Variants in ACTN1 observed in about 807,000 individuals in gnomAD.
ACTN1 encodes alpha-actinin-1.
Under a neutral mutation model 119.6 loss-of-function variants are expected in ACTN1, and 30 were observed. That is an observed-to-expected ratio of 0.25 (90% CI 0.19 to 0.34). The LOEUF (loss-of-function observed/expected upper bound fraction) is 0.34, where lower values mean the gene tolerates loss of function less well. Ranked by LOEUF, ACTN1 falls within the 10% of genes least tolerant of loss-of-function variation. The pLI is 1.00. For missense variants in ACTN1, 764 were observed against 1,223.4 expected, an observed-to-expected ratio of 0.62 and a Z score of 5.60; for synonymous variants, 429 against 472.6, an observed-to-expected ratio of 0.91 and a Z score of 1.20.
At chr14:68,967,175 T>A (rs1380099419) in intron 1 of ACTN1, among the ~76,000 whole-genome samples, 1 of 152,198 alleles carries the variant, frequency 6.6e-6, no homozygotes, top group East Asian at 1.9e-4. Context: ...GACACACCTC[T>A]TAGTCCTGAG....
intron 1 of ACTN1, among the ~76,000 whole-genome samples, chr14:68,939,303 C>T (rs8003257): frequency 0.062 from 9,483 of 152,140 alleles, 375 homozygotes; most frequent in South Asian, 0.15. Flanking sequence ...CACAGCCTCA[C>T]CCCTCCCAGG....
intron 3 of ACTN1, among the ~76,000 whole-genome samples, chr14:68,914,797 C>CA (rs926468846): frequency 2.6e-5 from 4 of 152,108 alleles, no homozygotes; most frequent in Admixed American, 1.3e-4. Flanking sequence ...ACAAAACAAA[C>CA]AAAAAAACCC....
intron 1 of ACTN1, among the ~76,000 whole-genome samples, chr14:68,931,900 A>G (rs1165150811): frequency 6.6e-6 from 1 of 152,092 alleles, no homozygotes; most frequent in South Asian, 2.1e-4. Context: ...GCACTGGGGA[A>G]GGGATTCAAG....
chr14:68,944,936 G>A (rs1362102740), intron 1 of ACTN1, among the ~76,000 whole-genome samples: 2 of 148,828 alleles, frequency 1.3e-5, no homozygotes, highest in South Asian at 4.5e-4. Flanking sequence ...TGCGTGTGTG[G>A]AGCAGGTAGC....
chr14:68,887,645 T>C, intron 11 of ACTN1: 2 of 1,275,180 alleles, frequency 1.6e-6, no homozygotes, highest in Non-Finnish European at 2.2e-6. Flanking sequence ...AAAAATGGGA[T>C]GAGGTGGGAT....
intron 2 of ACTN1, among the ~76,000 whole-genome samples, chr14:68,924,172 A>G (rs931662883): frequency 2.0e-5 from 3 of 152,210 alleles, no homozygotes; most frequent in African/African-American, 7.2e-5. Context: ...GACGATGAAG[A>G]GCCCTGAAGG....
chr14:68,938,632 T>G (rs1366420938), intron 1 of ACTN1, among the ~76,000 whole-genome samples: 1 of 152,108 alleles, frequency 6.6e-6, no homozygotes, highest in East Asian at 1.9e-4. Context: ...TGGCTTTAGT[T>G]AAACTGTCTA....
chr14:68,921,016 G>A lies in ACTN1; in HGVS notation c.330C>T (p.Ile110=), dbSNP rs144795702. 2.6e-5 allele frequency: 42 copies of A among 1,614,112 alleles called. No homozygotes were observed. The African/African-American group carries it at 3.2e-4, about 12-fold the overall frequency. The change falls in exon 3 of 22, where the codon ATC becomes ATT. Residue 110 remains isoleucine (I), a synonymous_variant. Coordinates refer to ENST00000394419, the MANE Select transcript of ACTN1 (RefSeq NM_001130004.2). ...AGAGGTAGGCCTTACCTTCGGCTCC[G>A]ATGGACACCAGTTTGACGCCTTTGC... The part of the protein sequence containing the change: ...IASKGVKLVS[I]GAEEIVDGNV...
In ACTN1 at chr14:68,909,352, C is replaced by T. The variant is rs764254658; in HGVS notation, c.560G>A (p.Arg187Gln). The change falls in exon 6 of 22, where the codon CGG (arginine) becomes CAG (glutamine). Residue 187 changes from arginine (R) to glutamine (Q), a missense_variant. By Grantham distance (43) the Arg-to-Gln change is conservative. This residue lies in a region of ACTN1 where 544 missense variants were observed against 912.0 expected (regional missense o/e 0.60). Transcript: ENST00000394419. This position sits in a 1 kb window ranked among gnomAD's most constrained non-coding sequence, Gnocchi z 4.1. The part of the protein sequence containing the change: ...LGFCALIHRH[R>Q]PELIDYGKLR... ...CTTCCCGTAGTCAATCAGCTCGGGC[C>T]GGTGTCGGTGGATCAAAGCACAGAA... The T allele has an allele frequency of 4.0e-5, 64 of 1,613,934 alleles. No individual in the cohort carries two copies. Among genetic ancestry groups the T allele is most frequent in the Non-Finnish European group, 5.3e-5 (63 of 1,180,000 alleles).
At chr14:68,973,532 G>A (rs2036962538) in intron 1 of ACTN1, among the ~76,000 whole-genome samples, 1 of 152,196 alleles carries the variant, frequency 6.6e-6, no homozygotes, top group Non-Finnish European at 1.5e-5. Context: ...TGAACTGTGA[G>A]TCAATTAAAC....
chr14:68,954,482 C>T (rs138803251), intron 1 of ACTN1, among the ~76,000 whole-genome samples: 112 of 152,232 alleles, frequency 7.4e-4, no homozygotes, highest in African/African-American at 2.1e-3. Context: ...CACCCGCCAC[C>T]GAACCGAGCT....
intron 1 of ACTN1, chr14:68,977,590 A>C (rs1163425907): frequency 4.1e-6 from 1 of 246,794 alleles, no homozygotes; most frequent in African/African-American, 2.3e-5. Context: ...CTGTCTGATG[A>C]AGTGAGTAAA....
At chr14:68,920,027 A>AC (rs1270896853) in intron 3 of ACTN1, among the ~76,000 whole-genome samples, 2 of 152,092 alleles carry the variant, frequency 1.3e-5, no homozygotes, top group Admixed American at 6.5e-5. Flanking sequence ...CAGGAGCAAG[A>AC]CCCCTGCCCC....
intron 1 of ACTN1, among the ~76,000 whole-genome samples, chr14:68,943,925 G>A (rs1229477870): frequency 1.3e-5 from 2 of 152,154 alleles, no homozygotes; most frequent in Non-Finnish European, 2.9e-5. Flanking sequence ...TTCAGACTCC[G>A]TTCAGGCTGG....
At chr14:68,875,189 G>T in intron 21 of ACTN1, 172 bp from the exon 22 acceptor site, 1 of 1,476,982 alleles carries the variant, frequency 6.8e-7, no homozygotes, top group Non-Finnish European at 9.0e-7. Context: ...TGTACATACC[G>T]CATACACAAC....
At chr14:68,960,417 TAATCATG>T (rs2036492929) in intron 1 of ACTN1, among the ~76,000 whole-genome samples, 1 of 152,184 alleles carries the variant, frequency 6.6e-6, no homozygotes, top group Non-Finnish European at 1.5e-5. Context: ...TTGATTGTGG[TAATCATG>T]TCACAGTGTA....
In ACTN1 at chr14:68,882,692, TAACAG is replaced by T. The variant is rs1594755930; in HGVS notation, c.1819-105_1819-101del. 19 of 1,561,910 alleles carry T rather than the reference TAACAG, an allele frequency of 1.2e-5. No homozygotes were observed. The highest frequency in any genetic ancestry group is 4.5e-5 in the East Asian group (2 of 44,382). Reference sequence around the variant, plus strand: ...ACCCAGAAGGGGAAGGGCCGGTCAGTAACAGAACAGGAGTAAAGGTGTCAACCTGT... The same window carrying T: ...ACCCAGAAGGGGAAGGGCCGGTCAGTAACAGGAGTAAAGGTGTCAACCTGT... On this transcript the variant is annotated intron_variant, in intron 15 of 21. Transcript: ENST00000394419. The surrounding 1 kb of genome is among the most constrained non-coding windows in gnomAD (Gnocchi z 4.5).
chr14:68,884,363 C>T (rs953058212), intron 13 of ACTN1, 55 bp from the exon 14 acceptor site: 32 of 1,559,796 alleles, frequency 2.1e-5, no homozygotes, highest in Non-Finnish European at 2.7e-5. Context: ...AATCATCCCC[C>T]ACTCCTATCA....
chr14:68,920,792 G>T (rs756611958), intron 3 of ACTN1, among the ~76,000 whole-genome samples: 7 of 152,136 alleles, frequency 4.6e-5, no homozygotes, highest in Admixed American at 2.6e-4. Context: ...TGGGAACAGG[G>T]GTCTAAGTCC....
Sources: gnomAD v4.1 joint callset for allele counts (sites outside exome capture counted in the v4.1 genomes callset) on GRCh38, gnomAD v4.1.1 for gene constraint, gnomAD v4.1.1 regional missense constraint, Gnocchi (gnomAD v3.1) non-coding constraint, MANE v1.5 for transcripts, NCBI Gene and HGNC (gene_info 2026-07-23, HGNC 2026-07-21) for gene names.